The following RBFOX1 variants were observed in gnomAD, a reference collection of about 807,000 sequenced individuals.
The protein encoded by RBFOX1 is RNA binding fox-1 homolog 1.
RBFOX1 carries 8 observed loss-of-function variants against 57.7 expected under a neutral mutation model. The observed-to-expected ratio is 0.14, with a 90% CI of 0.08 to 0.25. The LOEUF (loss-of-function observed/expected upper bound fraction) is 0.25. RBFOX1 is among the 10% of genes least tolerant of loss of function. The probability of loss-of-function intolerance (pLI) is 1.00; values close to 1 mark genes in which losing one functional copy is unlikely to be tolerated. For missense variants in RBFOX1, 611 were observed against 548.5 expected (o/e 1.11, Z -1.14); for synonymous variants, 326 against 222.4 (o/e 1.47, Z -4.15).
chr16:5,760,377 C>T (rs1028018476), intron 3 of RBFOX1, among the ~76,000 whole-genome samples: 2 of 151,912 alleles, frequency 1.3e-5, no homozygotes, highest in Non-Finnish European at 2.9e-5. Context: ...CACACACACA[C>T]GTATATACAT....
chr16:5,849,732 A>G (rs2056845992), intron 3 of RBFOX1, among the ~76,000 whole-genome samples: 1 of 152,096 alleles, frequency 6.6e-6, no homozygotes, highest in Admixed American at 6.5e-5. Flanking sequence ...CATCTCGCCG[A>G]TGCACAGCTT....
At chr16:6,892,139 G>C (rs1400093304) in intron 3 of RBFOX1, among the ~76,000 whole-genome samples, 1 of 152,106 alleles carries the variant, frequency 6.6e-6, no homozygotes, top group Non-Finnish European at 1.5e-5. Flanking sequence ...CCCCCTGGTT[G>C]GTGATTGCAG....
chr16:6,610,607 G>A lies in RBFOX1; in HGVS notation c.-63-43996G>A, dbSNP rs546310974. ...AGCCTCCCGAAATGCTGGGATTACC[G>A]GTGTAAACTACTACACCCCACCCGA... On this transcript the variant is annotated intron_variant, in intron 2 of 15. Transcript: ENST00000550418. Among the ~76,000 whole-genome samples the A allele has an allele frequency of 5.0e-4, 76 of 152,172 alleles. 2 individuals carry two copies. Among genetic ancestry groups the A allele is most frequent in the South Asian group, 1.7e-3 (8 of 4,810 alleles).
intron 4 of RBFOX1, among the ~76,000 whole-genome samples, chr16:7,478,496 G>A (rs1480609220): frequency 1.3e-5 from 2 of 152,224 alleles, no homozygotes; most frequent in East Asian, 1.9e-4. Context: ...AGTTTGCAGA[G>A]GCTAGAGAGG....
At chr16:7,230,709 T>G (rs187102790) in intron 4 of RBFOX1, among the ~76,000 whole-genome samples, 15 of 152,308 alleles carry the variant, frequency 9.8e-5, no homozygotes, top group Admixed American at 2.0e-4. Flanking sequence ...GAGTTGAAAG[T>G]GACCTTTAAG....
chr16:6,597,790 A>T (rs1412292017), intron 2 of RBFOX1, among the ~76,000 whole-genome samples: 1 of 152,198 alleles, frequency 6.6e-6, no homozygotes, highest in Non-Finnish European at 1.5e-5. Context: ...CAAGCCACAT[A>T]AGCAGCCACC....
chr16:7,515,478 TACACACAC>T (rs144695101), intron 4 of RBFOX1, among the ~76,000 whole-genome samples: 1 of 146,716 alleles, frequency 6.8e-6, no homozygotes, highest in African/African-American at 2.5e-5. Flanking sequence ...CACACACACA[TACACACAC>T]ACACACACAC....
intron 1 of RBFOX1, among the ~76,000 whole-genome samples, chr16:6,164,831 C>T (rs1460941831): frequency 1.3e-5 from 2 of 151,918 alleles, no homozygotes; most frequent in Admixed American, 6.6e-5. Flanking sequence ...AGAAGACTGT[C>T]GATGTACTTG....
intron 1 of RBFOX1, among the ~76,000 whole-genome samples, chr16:5,456,831 A>G (rs978694165): frequency 2.0e-5 from 3 of 152,056 alleles, no homozygotes; most frequent in Non-Finnish European, 4.4e-5. Context: ...CCCCTTTCAC[A>G]TGGCTCCTGA....
chr16:6,270,284 T>C (rs922727183), intron 1 of RBFOX1, among the ~76,000 whole-genome samples: 3 of 151,886 alleles, frequency 2.0e-5, no homozygotes, highest in Non-Finnish European at 4.4e-5. Context: ...TTGTAAGAGA[T>C]TGTTAGAGTG....
chr16:6,826,545 C>A lies in RBFOX1; in HGVS notation c.-16+171895C>A, dbSNP rs542031038. Among the ~76,000 whole-genome samples the A allele has an allele frequency of 2.6e-5, 4 of 152,136 alleles. No individual in the cohort carries two copies. In the East Asian group the frequency reaches 7.8e-4, roughly 29 times the overall value. ...GGCAGTGTGGGCACAGTCTTCCGGG[C>A]ATACGTGCTTGCGGGCATGCGTGCT... On this transcript the variant is annotated intron_variant, in intron 3 of 15. Coordinates refer to ENST00000550418, the MANE Select transcript of RBFOX1 (RefSeq NM_018723.4).
intron 1 of RBFOX1, among the ~76,000 whole-genome samples, chr16:6,252,460 T>C (rs1362729413): frequency 6.6e-6 from 1 of 152,170 alleles, no homozygotes; most frequent in Non-Finnish European, 1.5e-5. Flanking sequence ...AGTTTTGCAA[T>C]GACTATCACT....
At position 7,292,303 on chromosome 16, in the gene RBFOX1, ATATATG is replaced by A. The variant is rs769466112; in HGVS notation, c.28-225843_28-225838del. 6.1e-3 allele frequency among the ~76,000 whole-genome samples: 786 copies of A among 129,638 alleles called. 25 individuals are homozygous for A. Among genetic ancestry groups the A allele is most frequent in the Middle Eastern group, 0.053 (10 of 188 alleles). The allele number at this position is 129,638 out of a possible 152,430, so 85.0% of individuals were successfully genotyped here. ...TATCATATATCATATATGATATATG[ATATATG>A]ACGTATTATATATCATATATCATAC... On this transcript the variant is annotated intron_variant, in intron 4 of 15. Coordinates refer to ENST00000550418, the MANE Select transcript of RBFOX1 (RefSeq NM_018723.4).
At chr16:7,068,900 T>C (rs2056744868) in intron 4 of RBFOX1, among the ~76,000 whole-genome samples, 1 of 152,260 alleles carries the variant, frequency 6.6e-6, no homozygotes, top group Non-Finnish European at 1.5e-5. Context: ...GATACTATTT[T>C]ATTACTTGAT....
intron 3 of RBFOX1, among the ~76,000 whole-genome samples, chr16:5,668,674 C>T (rs527280235): frequency 1.3e-5 from 2 of 152,180 alleles, no homozygotes; most frequent in Non-Finnish European, 2.9e-5. Context: ...CCTCTCCTTT[C>T]CCCTATCATC....
chr16:6,628,028 A>G (rs1043348158), intron 2 of RBFOX1, among the ~76,000 whole-genome samples: 7 of 152,222 alleles, frequency 4.6e-5, no homozygotes, highest in African/African-American at 1.7e-4. Flanking sequence ...CCAAGTGTGC[A>G]AAGGACATCT....
chr16:6,236,945 A>G (rs1484555498), intron 1 of RBFOX1, among the ~76,000 whole-genome samples: 1 of 152,220 alleles, frequency 6.6e-6, no homozygotes, highest in Non-Finnish European at 1.5e-5. Flanking sequence ...TTACAACTCA[A>G]GTCTATTTGG....
chr16:6,064,516 G>T (rs2095732992), intron 1 of RBFOX1, among the ~76,000 whole-genome samples: 1 of 152,020 alleles, frequency 6.6e-6, no homozygotes. Context: ...TTTCACATAG[G>T]CAGAATACAT....
intron 2 of RBFOX1, among the ~76,000 whole-genome samples, chr16:6,398,635 C>G (rs1216529821): frequency 6.6e-6 from 1 of 152,258 alleles, no homozygotes; most frequent in East Asian, 1.9e-4. Flanking sequence ...GCTCCTTTGA[C>G]TCCATGTCTC....
Sources: gnomAD v4.1 joint callset for allele counts (sites outside exome capture counted in the v4.1 genomes callset) on GRCh38, gnomAD v4.1.1 for gene constraint, MANE v1.5 for transcripts, NCBI Gene and HGNC (gene_info 2026-07-23, HGNC 2026-07-21) for gene names.